RAP1GAP2: variants seen among roughly 807,000 people sequenced by gnomAD.
The protein encoded by RAP1GAP2 is rap1 GTPase-activating protein 2.
RAP1GAP2 carries 27 observed loss-of-function variants against 95.0 expected under a neutral mutation model. The ratio of observed to expected loss-of-function variants is 0.28; its 90% CI spans 0.21 to 0.39. RAP1GAP2 has a LOEUF of 0.39. Among genes scored for constraint, RAP1GAP2 ranks in the 10% least tolerant of loss-of-function variants. The probability of loss-of-function intolerance (pLI) is 1.00; values close to 1 mark genes in which losing one functional copy is unlikely to be tolerated. For missense variants in RAP1GAP2, 771 were observed against 970.0 expected (o/e 0.79, Z 2.72); for synonymous variants, 373 against 380.9 (o/e 0.98, Z 0.24).
chr17:3,009,734 G>A (rs1274549492), intron 17 of RAP1GAP2, among the ~76,000 whole-genome samples: 1 of 152,158 alleles, frequency 6.6e-6, no homozygotes, highest in Non-Finnish European at 1.5e-5. Context: ...GATTCCTGGG[G>A]CACCTGTTTC....
chr17:2,859,135 G>A (rs1439389595), intron 2 of RAP1GAP2, among the ~76,000 whole-genome samples: 14 of 132,600 alleles, frequency 1.1e-4, no homozygotes, highest in African/African-American at 4.0e-4. Flanking sequence ...TTTTGAGACA[G>A]AGTCTTGCTC....
At chr17:2,887,531 C>T (rs1193252343) in intron 2 of RAP1GAP2, among the ~76,000 whole-genome samples, 8 of 151,890 alleles carry the variant, frequency 5.3e-5, no homozygotes, top group African/African-American at 1.9e-4. Flanking sequence ...CACGCCACTG[C>T]GCCCAGCTAA....
intron 2 of RAP1GAP2, among the ~76,000 whole-genome samples, chr17:2,830,937 C>T: frequency 7.4e-6 from 1 of 135,282 alleles, no homozygotes; most frequent in African/African-American, 2.8e-5. Flanking sequence ...TACCTCCACT[C>T]CCCTTCCCTC....
rs1383971720 is a variant in RAP1GAP2 at position 2,870,353 on chromosome 17, G to A, written c.81-34931G>A. Reference sequence around the variant, plus strand: ...AGGCTGGTCTCAAACTCTTGACCTCGTGATCTGCCTGCCTCGTCCTCCCAA... The same window carrying A: ...AGGCTGGTCTCAAACTCTTGACCTCATGATCTGCCTGCCTCGTCCTCCCAA... On this transcript the variant is annotated intron_variant, in intron 2 of 24. Transcript: ENST00000254695. This position sits in a 1 kb window ranked among gnomAD's most constrained non-coding sequence, Gnocchi z 4.4. 2.0e-5 allele frequency among the ~76,000 whole-genome samples: 3 copies of A among 151,930 alleles called. No individual in the cohort carries two copies. The highest frequency in any genetic ancestry group is 2.9e-5 in the Non-Finnish European group (2 of 67,992).
chr17:2,806,284 G>A (rs934912307), intron 2 of RAP1GAP2, among the ~76,000 whole-genome samples: 1 of 152,076 alleles, frequency 6.6e-6, no homozygotes, highest in Admixed American at 6.5e-5. Flanking sequence ...CTAGGTCCCT[G>A]GGGACTCCAG....
Position 2,867,561 on chromosome 17 carries a change from C to T in RAP1GAP2, c.81-37723C>T, listed in dbSNP as rs554238337. On this transcript the variant is annotated intron_variant, in intron 2 of 24. Coordinates refer to ENST00000254695, the MANE Select transcript of RAP1GAP2 (RefSeq NM_015085.5). This position sits in a 1 kb window ranked among gnomAD's most constrained non-coding sequence, Gnocchi z 4.5. ...TGTCCCAGGGATGGCTCACCCTGGA[C>T]AGAAAGTGAGTCACATACGCATCCC... 2.0e-5 allele frequency among the ~76,000 whole-genome samples: 3 copies of T among 152,252 alleles called. No homozygotes were observed. The highest frequency in any genetic ancestry group is 4.4e-5 in the Non-Finnish European group (3 of 68,016).
chr17:2,930,291 T>G (rs1246332973), intron 3 of RAP1GAP2, among the ~76,000 whole-genome samples: 1 of 152,236 alleles, frequency 6.6e-6, no homozygotes, highest in East Asian at 1.9e-4. Context: ...TGGCTGGGGC[T>G]GGGGGTCTGG....
chr17:2,837,968 G>T (rs879563078), intron 2 of RAP1GAP2, among the ~76,000 whole-genome samples: 23 of 147,224 alleles, frequency 1.6e-4, no homozygotes, highest in Non-Finnish European at 3.3e-4. Context: ...CTAGGTTTCG[G>T]TTTACTCATC....
chr17:3,032,487 G>T, intron 24 of RAP1GAP2, 38 bp downstream of exon 24: 1 of 1,587,252 alleles, frequency 6.3e-7, no homozygotes, highest in Non-Finnish European at 8.7e-7. Flanking sequence ...CCGTGAGGGG[G>T]GACGTGTGTT....
intron 1 of RAP1GAP2, among the ~76,000 whole-genome samples, chr17:2,787,132 G>T (rs1361569129): frequency 6.6e-6 from 1 of 150,958 alleles, no homozygotes; most frequent in Non-Finnish European, 1.5e-5. Flanking sequence ...GTAGTTTTTA[G>T]TAGAGACAGG....
At chr17:2,876,336 C>T (rs1232006211) in intron 2 of RAP1GAP2, among the ~76,000 whole-genome samples, 3 of 152,040 alleles carry the variant, frequency 2.0e-5, no homozygotes, top group African/African-American at 7.3e-5. Context: ...CAGGAGATCC[C>T]GAGAACAAGT....
chr17:2,992,396 A>G (rs578213725), intron 12 of RAP1GAP2, among the ~76,000 whole-genome samples: 2 of 151,446 alleles, frequency 1.3e-5, no homozygotes, highest in South Asian at 4.2e-4. Flanking sequence ...TCCTGACCTC[A>G]TGATCCGCCC....
intron 2 of RAP1GAP2, among the ~76,000 whole-genome samples, chr17:2,845,049 A>C (rs1319457519): frequency 6.6e-6 from 1 of 152,178 alleles, no homozygotes; most frequent in Non-Finnish European, 1.5e-5. Flanking sequence ...CCCGGCCTGC[A>C]CACTGTGCCT....
At chr17:2,824,598 G>A (rs1280733429) in intron 2 of RAP1GAP2, among the ~76,000 whole-genome samples, 2 of 151,092 alleles carry the variant, frequency 1.3e-5, no homozygotes, top group African/African-American at 4.9e-5. Flanking sequence ...AAATTAGCCG[G>A]GCATGGTGGT....
chr17:2,865,189 G>T (rs1177132712), intron 2 of RAP1GAP2, among the ~76,000 whole-genome samples: 1 of 152,176 alleles, frequency 6.6e-6, no homozygotes, highest in Non-Finnish European at 1.5e-5. Context: ...CCGTGCTACA[G>T]TCCAATGAAG....
chr17:2,978,167 A>C (rs1005846038), intron 8 of RAP1GAP2, among the ~76,000 whole-genome samples: 1 of 152,318 alleles, frequency 6.6e-6, no homozygotes, highest in Non-Finnish European at 1.5e-5. Context: ...ATTCATCCGT[A>C]CCATGGATCT....
chr17:2,807,409 T>C (rs556010165), intron 2 of RAP1GAP2, among the ~76,000 whole-genome samples: 1 of 152,220 alleles, frequency 6.6e-6, no homozygotes, highest in Admixed American at 6.5e-5. Flanking sequence ...TTTGCTGGGG[T>C]TGTCAAGGAC....
chr17:2,959,212 C>T (rs1222066350), intron 4 of RAP1GAP2, among the ~76,000 whole-genome samples: 1 of 152,158 alleles, frequency 6.6e-6, no homozygotes, highest in Non-Finnish European at 1.5e-5. Context: ...CTTCCCACAA[C>T]TTTGCCCCAC....
chr17:2,803,931 T>A (rs747312876), intron 2 of RAP1GAP2, among the ~76,000 whole-genome samples: 2 of 152,128 alleles, frequency 1.3e-5, no homozygotes, highest in Non-Finnish European at 2.9e-5. Context: ...AAAGCTATGG[T>A]TATTAAGACA....
Sources: allele counts gnomAD v4.1 joint callset (sites outside exome capture counted in the v4.1 genomes callset), GRCh38; gene constraint gnomAD v4.1.1; non-coding constraint Gnocchi (gnomAD v3.1); transcripts MANE v1.5; gene names NCBI Gene and HGNC (gene_info 2026-07-23, HGNC 2026-07-21).